Variants in COL5A1 observed in about 807,000 individuals in gnomAD.
COL5A1 encodes collagen alpha-1(V) chain.
In COL5A1, 16 loss-of-function variants were observed where a neutral mutation model predicts 263.7. The observed-to-expected ratio is 0.06, with a 90% CI of 0.04 to 0.09. The LOEUF (loss-of-function observed/expected upper bound fraction) is 0.09. Among genes scored for constraint, COL5A1 ranks in the 10% least tolerant of loss-of-function variants. COL5A1 has a pLI of 1.00. For synonymous variants in COL5A1, 1,012 were observed against 1,004.5 expected, an observed-to-expected ratio of 1.01 and a Z score of -0.14; for missense variants, 2,036 against 2,540.5, an observed-to-expected ratio of 0.80 and a Z score of 4.27.
rs552832936 is a variant in COL5A1, at chr9:134,748,025, T to TCA, written c.1495-2516_1495-2515dup. Among the ~76,000 whole-genome samples the TCA allele has an allele frequency of 2.5e-3, 256 of 100,666 alleles. 1 individual carries two copies. Among genetic ancestry groups the TCA allele is most frequent in the African/African-American group, 9.3e-3 (246 of 26,432 alleles). 66.0% of individuals were successfully genotyped at this position (100,666 alleles called of 152,430 possible). On this transcript the variant is annotated intron_variant, in intron 11 of 65. Coordinates refer to ENST00000371817, the MANE Select transcript of COL5A1 (RefSeq NM_000093.5). Reference sequence around the variant, plus strand: ...TACACATGCATTCACACACATGCATTCATACACATGCAGACACATGCACAC... The same window carrying TCA: ...TACACATGCATTCACACACATGCATTCACATACACATGCAGACACATGCACAC...
At chr9:134,653,836 G>C (rs545304967) in intron 1 of COL5A1, among the ~76,000 whole-genome samples, 8 of 151,174 alleles carry the variant, frequency 5.3e-5, no homozygotes, top group Non-Finnish European at 1.2e-4. Context: ...GCAGGGCCGG[G>C]TGTCTGTAGG....
At chr9:134,701,071 G>A in intron 3 of COL5A1, 100 bp from the exon 4 acceptor site, 1 of 1,236,018 alleles carries the variant, frequency 8.1e-7, no homozygotes, top group Non-Finnish European at 1.2e-6. Flanking sequence ...GATCGTGCAG[G>A]AAGTGGGCCT....
intron 9 of COL5A1, among the ~76,000 whole-genome samples, chr9:134,737,663 G>A (rs74858870): frequency 0.026 from 3,885 of 152,324 alleles, 79 homozygotes; most frequent in Non-Finnish European, 0.042. Context: ...CCGCCCTGGG[G>A]AAGGGGTCGG....
chr9:134,665,842 C>T (rs1832339216), intron 1 of COL5A1, among the ~76,000 whole-genome samples: 2 of 152,240 alleles, frequency 1.3e-5, no homozygotes, highest in African/African-American at 4.8e-5. Flanking sequence ...AATCCCAGCA[C>T]TTTGGGAGGC....
chr9:134,817,764 C>T lies in COL5A1; in HGVS notation c.4177-14C>T, dbSNP rs749716820. 3 of 1,611,270 alleles carry T rather than the reference C, an allele frequency of 1.9e-6. No homozygotes were observed. In the African/African-American group the frequency reaches 4.0e-5, roughly 22 times the overall value. ...GGCCACACTCACCACCTGCTGTTCT[C>T]TTGCTTCTTTCAGGGTCCCCCAGGC... is the stretch of plus-strand genomic sequence containing the variant. On this transcript the variant is annotated splice_polypyrimidine_tract_variant and intron_variant, in intron 53 of 65. Coordinates refer to ENST00000371817, the MANE Select transcript of COL5A1 (RefSeq NM_000093.5).
intron 1 of COL5A1, among the ~76,000 whole-genome samples, chr9:134,644,851 T>A (rs936705112): frequency 6.6e-6 from 1 of 152,192 alleles, no homozygotes; most frequent in Non-Finnish European, 1.5e-5. Flanking sequence ...ACGTGATTGC[T>A]TTTTGCAATA....
At position 134,836,810 on chromosome 9, in the gene COL5A1, C is replaced by T. The variant is rs137856738; in HGVS notation, c.5370+1606C>T. Among the ~76,000 whole-genome samples the T allele has an allele frequency of 4.0e-3, 605 of 152,376 alleles. 2 individuals carry two copies. Among genetic ancestry groups the T allele is most frequent in the Non-Finnish European group, 5.2e-3 (355 of 68,036 alleles). ...CTCCCAGGGCCATCCCGCGGCCAGG[C>T]CGTGCTCAGCGGGGGCCGCCCTCAC... On this transcript the variant is annotated intron_variant, in intron 65 of 65. Coordinates refer to ENST00000371817, the MANE Select transcript of COL5A1 (RefSeq NM_000093.5).
chr9:134,749,710 G>A (rs1256866355), intron 11 of COL5A1, among the ~76,000 whole-genome samples: 4 of 152,208 alleles, frequency 2.6e-5, no homozygotes, highest in Non-Finnish European at 5.9e-5. Flanking sequence ...TGTAGTTGGT[G>A]GAGGCTTTTC....
rs975736298 is a variant in COL5A1 at position 134,678,544 on chromosome 9, C to T, written c.110-12368C>T. Among the ~76,000 whole-genome samples, 4 of 152,244 alleles carry T rather than the reference C, an allele frequency of 2.6e-5. No homozygotes were observed. The highest frequency in any genetic ancestry group is 2.1e-4 in the South Asian group (1 of 4,834). On this transcript the variant is annotated intron_variant, in intron 1 of 65. Transcript: ENST00000371817. This position sits in a 1 kb window ranked among gnomAD's most constrained non-coding sequence, Gnocchi z 5.5. Reference sequence around the variant, plus strand: ...TGTCTGCATCCCTGCAGGGCAAGCACCTGCTTCTCACCACCTGCTGCTCCT... The same window carrying T: ...TGTCTGCATCCCTGCAGGGCAAGCATCTGCTTCTCACCACCTGCTGCTCCT...
intron 42 of COL5A1, among the ~76,000 whole-genome samples, chr9:134,806,869 G>A (rs748065853): frequency 2.6e-5 from 4 of 152,184 alleles, no homozygotes; most frequent in Admixed American, 6.5e-5. Flanking sequence ...AAGACAAGGC[G>A]CCTCCCTCTG....
At chr9:134,706,099 T>C (rs967871119) in intron 4 of COL5A1, among the ~76,000 whole-genome samples, 12 of 152,152 alleles carry the variant, frequency 7.9e-5, no homozygotes, top group Admixed American at 2.0e-4. Flanking sequence ...TCTCCTAGGA[T>C]GGGGTGGGAT....
In COL5A1 at chr9:134,755,578, G is replaced by A. The variant is rs774455231; in HGVS notation, c.1828-1187G>A. Among the ~76,000 whole-genome samples the A allele has an allele frequency of 1.4e-4, 21 of 152,234 alleles. No individual in the cohort carries two copies. Among genetic ancestry groups the A allele is most frequent in the African/African-American group, 4.3e-4 (18 of 41,474 alleles). On this transcript the variant is annotated intron_variant, in intron 16 of 65. Transcript: ENST00000371817. The surrounding 1 kb of genome is among the most constrained non-coding windows in gnomAD (Gnocchi z 4.1). Reference sequence around the variant, plus strand: ...TTTGCTAGCATTTCCTGCAAGGAACGCTCGCTTGTGAATTGTAGAAGCATC... The same window carrying A: ...TTTGCTAGCATTTCCTGCAAGGAACACTCGCTTGTGAATTGTAGAAGCATC...
At position 134,657,645 on chromosome 9, in the gene COL5A1, G is replaced by A. The variant is rs1405185425; in HGVS notation, c.109+15349G>A. 1.6e-5 allele frequency among the ~76,000 whole-genome samples: 2 copies of A among 127,634 alleles called. 1 individual carries two copies. The highest frequency in any genetic ancestry group is 5.3e-4 in the South Asian group (2 of 3,782). The allele number at this position is 127,634 out of a possible 152,430, so 83.7% of individuals were successfully genotyped here. ...GATAATATGGGGGGTGGGGTAGGGG[G>A]TGCAGTTTATAGATAATATGGGGGG... On this transcript the variant is annotated intron_variant, in intron 1 of 65. Transcript: ENST00000371817.
At chr9:134,732,012 G>T (rs1017942134) in intron 8 of COL5A1, 59 bp from the exon 9 acceptor site, 14 of 1,590,018 alleles carry the variant, frequency 8.8e-6, no homozygotes, top group Non-Finnish European at 1.2e-5. Flanking sequence ...GTGTAATCTG[G>T]ACTTTCTTTC....
At chr9:134,658,307 C>T (rs1396460861) in intron 1 of COL5A1, among the ~76,000 whole-genome samples, 3 of 152,164 alleles carry the variant, frequency 2.0e-5, no homozygotes, top group African/African-American at 7.2e-5. Flanking sequence ...CCCTGAAAAT[C>T]TCCTTGCTCA....
rs1564416836 is a variant in COL5A1, at chr9:134,730,440, C to G, written c.1129C>G (p.Pro377Ala). ...PTDPGAGAEI[P>A]TSTADTSNSS... ...AGACCCAGGCGCTGGGGCCGAAATT[C>G]CCACCAGCACCGCCGACACCTCCAA... is the stretch of plus-strand genomic sequence containing the variant. The change falls in exon 7 of 66, where the codon CCC becomes GCC. Residue 377 changes from proline (P) to alanine (A), a missense_variant. Pro to Ala is a conservative substitution (Grantham distance 27, BLOSUM62 -1). Coordinates refer to ENST00000371817, the MANE Select transcript of COL5A1 (RefSeq NM_000093.5). 6.2e-7 allele frequency: 1 copy of G among 1,614,104 alleles called. No individual in the cohort carries two copies. The highest frequency in any genetic ancestry group is 1.1e-5 in the South Asian group (1 of 91,088).
At chr9:134,759,669 C>A (rs1425043898) in intron 18 of COL5A1, among the ~76,000 whole-genome samples, 4 of 93,222 alleles carry the variant, frequency 4.3e-5, no homozygotes, top group Non-Finnish European at 7.5e-5. Context: ...CGCATGCACA[C>A]CCCCACACCC....
At chr9:134,769,378 C>G (rs1836793639) in intron 25 of COL5A1, among the ~76,000 whole-genome samples, 1 of 152,220 alleles carries the variant, frequency 6.6e-6, no homozygotes, top group South Asian at 2.1e-4. Flanking sequence ...CCCGTGGTCA[C>G]CTGGCCACAT....
chr9:134,759,271 TAC>T (rs962666654), intron 18 of COL5A1, among the ~76,000 whole-genome samples: 10 of 131,294 alleles, frequency 7.6e-5, no homozygotes, highest in Admixed American at 2.2e-4. Flanking sequence ...CACACACTCA[TAC>T]ACACATGCAC....
Sources: gnomAD v4.1 joint callset for allele counts (sites outside exome capture counted in the v4.1 genomes callset) on GRCh38, gnomAD v4.1.1 for gene constraint, Gnocchi (gnomAD v3.1) non-coding constraint, MANE v1.5 for transcripts, NCBI Gene and HGNC (gene_info 2026-07-23, HGNC 2026-07-21) for gene names.